KIF15: variants seen among roughly 807,000 people sequenced by gnomAD.
The protein encoded by KIF15 is kinesin family member 15.
Under a neutral mutation model 190.6 loss-of-function variants are expected in KIF15, and 140 were observed. The observed-to-expected ratio is 0.73, with a 90% confidence interval of 0.64 to 0.84. The LOEUF is 0.84. KIF15 is among the 40% of genes least tolerant of loss of function. The pLI is 0.00. For synonymous variants in KIF15, 528 were observed against 551.3 expected (o/e 0.96, Z 0.59); for missense variants, 1,372 against 1,584.4 (o/e 0.87, Z 2.28).
intron 3 of KIF15, 81 bp downstream of exon 3, chr3:44,775,518 T>TGC: frequency 2.4e-5 from 25 of 1,043,780 alleles, no homozygotes; most frequent in South Asian, 3.3e-5. Context: ...TGCAGTGGCA[T>TGC]GATCTCGGCT....
chr3:44,827,076 T>A, intron 22 of KIF15: 1 of 456,540 alleles, frequency 2.2e-6, no homozygotes, highest in Non-Finnish European at 4.4e-6. Context: ...TATTCAAACA[T>A]TTATTGATAT....
intron 12 of KIF15, 69 bp from the exon 13 acceptor site, chr3:44,801,696 C>A: frequency 1.9e-6 from 2 of 1,078,092 alleles, no homozygotes; most frequent in Non-Finnish European, 2.7e-6. Flanking sequence ...GTATTTGTTG[C>A]TGGACTTACG....
chr3:44,829,098 C>A (rs533385902), intron 24 of KIF15, among the ~76,000 whole-genome samples: 73 of 151,976 alleles, frequency 4.8e-4, no homozygotes, highest in African/African-American at 1.6e-3. Context: ...TGGCTCATGT[C>A]TGTAATCCCA....
intron 20 of KIF15, among the ~76,000 whole-genome samples, chr3:44,817,447 C>T (rs1452252142): frequency 1.3e-5 from 2 of 152,176 alleles, no homozygotes; most frequent in Non-Finnish European, 2.9e-5. Context: ...CCAGTTTCAG[C>T]TTTCTACATA....
chr3:44,778,028 C>A, intron 3 of KIF15, 87 bp from the exon 4 acceptor site: 2 of 1,030,058 alleles, frequency 1.9e-6, no homozygotes, highest in Non-Finnish European at 3.1e-6. Flanking sequence ...TATTACTAAG[C>A]AATTTTTGCT....
chr3:44,771,143 A>G (rs1050337326), intron 1 of KIF15, among the ~76,000 whole-genome samples: 2 of 152,238 alleles, frequency 1.3e-5, no homozygotes, highest in African/African-American at 4.8e-5. Flanking sequence ...TGTGAATAAC[A>G]AAATGTCCAG....
chr3:44,764,895 C>G (rs945551395), intron 1 of KIF15, among the ~76,000 whole-genome samples: 1 of 152,190 alleles, frequency 6.6e-6, no homozygotes, highest in African/African-American at 2.4e-5. Flanking sequence ...CCTTGGTCTC[C>G]CAAAGTGTTG....
At chr3:44,864,681 T>G (rs1287724215) in intron 6 of KIF15, among the ~76,000 whole-genome samples, 1 of 152,190 alleles carries the variant, frequency 6.6e-6, no homozygotes, top group Non-Finnish European at 1.5e-5. Context: ...AGGGTTGGGA[T>G]TCCCAGAAAC....
At chr3:44,856,423 G>A (rs369993294), downstream of KIF15, among the ~76,000 whole-genome samples, 33 of 152,354 alleles carry the variant, frequency 2.2e-4, no homozygotes, top group East Asian at 6.2e-3. Context: ...GAGGTTCTAA[G>A]AGGCGGGTTA....
At chr3:44,847,929 G>T (rs1698919782) in intron 30 of KIF15, 56 bp from the exon 31 acceptor site, 2 of 1,215,392 alleles carry the variant, frequency 1.6e-6, no homozygotes, top group African/African-American at 3.1e-5. Context: ...ATTGATACTT[G>T]AATATACTTA....
intron 14 of KIF15, 128 bp from the exon 15 acceptor site, chr3:44,804,899 A>G: frequency 1.1e-6 from 1 of 938,472 alleles, no homozygotes; most frequent in East Asian, 2.8e-5. Flanking sequence ...ACTTGAGACC[A>G]GAATTTGGGG....
At chr3:44,789,792 C>A (rs1706597112) in intron 7 of KIF15, among the ~76,000 whole-genome samples, 1 of 150,570 alleles carries the variant, frequency 6.6e-6, no homozygotes. Flanking sequence ...ATAATAAAAC[C>A]AATTTTACTA....
chr3:44,799,347 A>C, intron 10 of KIF15: 1 of 456,494 alleles, frequency 2.2e-6, no homozygotes, highest in South Asian at 1.5e-5. Context: ...GACTTGTTTA[A>C]GGATGTGCTA....
intron 1 of KIF15, among the ~76,000 whole-genome samples, chr3:44,770,007 T>C (rs1441440179): frequency 1.3e-5 from 2 of 152,230 alleles, no homozygotes; most frequent in South Asian, 4.1e-4. Flanking sequence ...AGAACTAGAA[T>C]ATTGATTCAG....
intron 26 of KIF15, among the ~76,000 whole-genome samples, chr3:44,833,049 A>C (rs1270211731): frequency 1.3e-5 from 2 of 152,166 alleles, no homozygotes; most frequent in Non-Finnish European, 2.9e-5. Flanking sequence ...GTAGACAACA[A>C]AAATTAGAAT....
At position 44,772,065 on chromosome 3, in the gene KIF15, C is replaced by T. The variant is rs1258818090; in HGVS notation, c.20-2330C>T. ...AATATTTGATCTAAGTGCTTATTTT[C>T]CTTTAGGCCAATTAATTAGAACTCT... On this transcript the variant is annotated intron_variant, in intron 1 of 34. Coordinates refer to ENST00000326047, the MANE Select transcript of KIF15 (RefSeq NM_020242.3). 3.3e-5 allele frequency among the ~76,000 whole-genome samples: 5 copies of T among 152,236 alleles called. No individual in the cohort carries two copies. In the East Asian group the frequency reaches 9.6e-4, roughly 29 times the overall value.
intron 20 of KIF15, among the ~76,000 whole-genome samples, chr3:44,818,495 G>T (rs1329723147): frequency 2.0e-5 from 3 of 152,214 alleles, no homozygotes; most frequent in African/African-American, 7.2e-5. Context: ...CATCTATTGA[G>T]ATAATCATGT....
intron 6 of KIF15, chr3:44,865,062 A>T: frequency 6.2e-7 from 1 of 1,614,120 alleles, no homozygotes; most frequent in African/African-American, 1.3e-5. Context: ...TATGTGCTGT[A>T]TGGAGAGTGC....
intron 10 of KIF15, chr3:44,799,186 T>G (rs910743626): frequency 4.4e-6 from 2 of 453,572 alleles, no homozygotes; most frequent in African/African-American, 4.0e-5. Flanking sequence ...AGAAGTGCAG[T>G]AGTACCTTGT....
Sources: gnomAD v4.1 joint callset for allele counts (sites outside exome capture counted in the v4.1 genomes callset) on GRCh38, gnomAD v4.1.1 for gene constraint, MANE v1.5 for transcripts, NCBI Gene and HGNC (gene_info 2026-07-23, HGNC 2026-07-21) for gene names.